The following RICTOR variants were observed in gnomAD, a reference collection of about 807,000 sequenced individuals.
RICTOR encodes the protein rapamycin-insensitive companion of mTOR.
RICTOR carries 49 observed loss-of-function variants against 214.9 expected under a neutral mutation model. The ratio of observed to expected loss-of-function variants is 0.23; its 90% CI spans 0.18 to 0.29. RICTOR has a LOEUF of 0.29. RICTOR is among the 10% of genes least tolerant of loss of function. The pLI, the probability that RICTOR is intolerant of heterozygous loss-of-function variation, is 1.00. For missense variants in RICTOR, 1,625 were observed against 2,047.0 expected (o/e 0.79, Z 3.98); for synonymous variants, 717 against 711.3 (o/e 1.01, Z -0.13).
chr5:39,026,529 A>C (rs1233612844), intron 2 of RICTOR, among the ~76,000 whole-genome samples: 1 of 152,140 alleles, frequency 6.6e-6, no homozygotes, highest in East Asian at 1.9e-4. Flanking sequence ...TCTGGAAGTA[A>C]TGCAGTAACT....
At chr5:39,065,249 G>A (rs1323329643) in intron 2 of RICTOR, among the ~76,000 whole-genome samples, 1 of 152,158 alleles carries the variant, frequency 6.6e-6, no homozygotes, top group Non-Finnish European at 1.5e-5. Context: ...CAGAGCGGGA[G>A]CAAGAGGGAG....
intron 2 of RICTOR, among the ~76,000 whole-genome samples, chr5:39,025,715 T>G (rs1454288013): frequency 6.6e-6 from 1 of 152,180 alleles, no homozygotes; most frequent in Non-Finnish European, 1.5e-5. Flanking sequence ...GAGAACTCCC[T>G]GGGGTCCCTT....
chr5:38,954,801 T>G lies in RICTOR; in HGVS notation c.2670A>C (p.Lys890Asn). 1 of 1,604,156 alleles carries G rather than the reference T, an allele frequency of 6.2e-7. No homozygotes were observed. The part of the protein sequence containing the change: ...IHLYGQLVHH[K>N]TGCHLLEVQN... ...GTACTTCCAACAAATGGCAGCCTGT[T>G]TTATGGTGTACTAGTTGTCCATAAA... is the stretch of plus-strand genomic sequence containing the variant. Residue 890 changes from lysine to asparagine, a missense_variant, in exon 27 of 38, where the codon AAA becomes AAC. Physicochemically the swap from Lys to Asn is moderately conservative, Grantham distance 94. Coordinates refer to ENST00000357387, the MANE Select transcript of RICTOR (RefSeq NM_152756.5).
intron 3 of RICTOR, among the ~76,000 whole-genome samples, chr5:39,011,921 G>A (rs1266025114): frequency 6.6e-6 from 1 of 152,136 alleles, no homozygotes; most frequent in Non-Finnish European, 1.5e-5. Flanking sequence ...TTGGGTTAAT[G>A]CTGGAAAGAG....
intron 2 of RICTOR, among the ~76,000 whole-genome samples, chr5:39,072,088 AT>A (rs1357084280): frequency 6.6e-6 from 1 of 152,196 alleles, no homozygotes; most frequent in Non-Finnish European, 1.5e-5. Flanking sequence ...AAACTTCCTT[AT>A]GATTTAGAAA....
intron 4 of RICTOR, 110 bp from the exon 5 acceptor site, chr5:39,002,776 C>A (rs951924537): frequency 1.9e-6 from 2 of 1,037,072 alleles, no homozygotes; most frequent in African/African-American, 1.6e-5. Context: ...TCTAGTCATG[C>A]ACAGAATTCT....
intron 6 of RICTOR, among the ~76,000 whole-genome samples, 183 bp downstream of exon 6, chr5:38,996,636 T>C (rs1460764783): frequency 6.6e-6 from 1 of 152,164 alleles, no homozygotes; most frequent in Non-Finnish European, 1.5e-5. Flanking sequence ...CACATAGAAT[T>C]CCACAAAATA....
intron 5 of RICTOR, among the ~76,000 whole-genome samples, chr5:38,999,027 C>CAAAAAA (rs1186312478): frequency 1.3e-3 from 34 of 25,246 alleles, no homozygotes; most frequent in African/African-American, 1.9e-3. Flanking sequence ...AACAAACAGG[C>CAAAAAA]AAAAAAAAAA....
intron 31 of RICTOR, among the ~76,000 whole-genome samples, chr5:38,947,825 A>G (rs969585724): frequency 2.0e-5 from 3 of 152,138 alleles, no homozygotes; most frequent in Non-Finnish European, 4.4e-5. Flanking sequence ...GTAACTAAGG[A>G]TATGTGTATC....
At chr5:39,027,056 A>C (rs1755886274) in intron 2 of RICTOR, among the ~76,000 whole-genome samples, 1 of 151,968 alleles carries the variant, frequency 6.6e-6, no homozygotes, top group Admixed American at 6.5e-5. Flanking sequence ...ATTACTGAGC[A>C]TTATTAAGAA....
intron 2 of RICTOR, among the ~76,000 whole-genome samples, chr5:39,069,615 G>A (rs1206964377): frequency 6.6e-6 from 1 of 152,166 alleles, no homozygotes; most frequent in Non-Finnish European, 1.5e-5. Flanking sequence ...TGCATAGAGT[G>A]GGGGGACTAC....
intron 3 of RICTOR, among the ~76,000 whole-genome samples, chr5:39,011,753 CTT>C (rs1431149594): frequency 2.0e-5 from 3 of 152,102 alleles, no homozygotes; most frequent in Non-Finnish European, 4.4e-5. Context: ...GCCTGTAGCT[CTT>C]TTGTTTTGGC....
intron 30 of RICTOR, among the ~76,000 whole-genome samples, chr5:38,951,185 ATAAATTCATGTT>A (rs1483078034): frequency 1.2e-4 from 18 of 151,978 alleles, no homozygotes; most frequent in Admixed American, 9.2e-4. Context: ...TGGTAACATT[ATAAATTCATGTT>A]TAAATTATGT....
rs540626546 is a variant in RICTOR, at chr5:39,007,377, A to G, written c.196-3755T>C. ...ATCTACACTTTTTATAAGAGATTATATTAGATTAGGCCCACCCACCCATAT... is the reference window on the plus strand; with the variant it reads ...ATCTACACTTTTTATAAGAGATTATGTTAGATTAGGCCCACCCACCCATAT... On this transcript the variant is annotated intron_variant, in intron 3 of 37. Transcript: ENST00000357387. Among the ~76,000 whole-genome samples the G allele has an allele frequency of 3.9e-5, 6 of 152,300 alleles. No homozygotes were observed. The South Asian group carries it at 1.2e-3, about 32-fold the overall frequency.
At chr5:38,982,124 G>A in intron 7 of RICTOR, 88 bp from the exon 8 acceptor site, 1 of 955,910 alleles carries the variant, frequency 1.0e-6, no homozygotes, top group East Asian at 2.5e-5. Flanking sequence ...TTGCCTTTCT[G>A]ACTTGAAAAA....
chr5:38,968,047 A>G lies in RICTOR; in HGVS notation c.973-17T>C. 1 of 1,336,620 alleles carries G rather than the reference A, an allele frequency of 7.5e-7. No homozygotes were observed. The highest frequency in any genetic ancestry group is 1.1e-6 in the Non-Finnish European group (1 of 930,758). 82.8% of individuals were successfully genotyped at this position (1,336,620 alleles called of 1,614,324 possible). The stretch of plus-strand genomic sequence containing the variant: ...TAGACCTCGCTAAATTAGCAAACAA[A>G]TACACCTCATTTATTTTTATGAAAC... On this transcript the variant is annotated splice_polypyrimidine_tract_variant and intron_variant, in intron 11 of 37. Transcript: ENST00000357387.
intron 3 of RICTOR, among the ~76,000 whole-genome samples, chr5:39,007,224 T>C (rs1375676075): frequency 6.6e-6 from 1 of 152,190 alleles, no homozygotes; most frequent in Non-Finnish European, 1.5e-5. Context: ...AAATGTACTT[T>C]TTCATAACTC....
chr5:39,060,851 G>T (rs1425469678), intron 2 of RICTOR, among the ~76,000 whole-genome samples: 1 of 151,890 alleles, frequency 6.6e-6, no homozygotes, highest in Non-Finnish European at 1.5e-5. Context: ...AAGTGCATGG[G>T]TTTTAGAATC....
rs1561503147 is a variant in RICTOR at position 38,990,782 on chromosome 5, A to ATATATATCAGATAT, written c.583+166_583+167insATATCTGATATATA. ...ATATATGAGATATATGATATATATG[A>ATATATATCAGATAT]GATATATGAGATATATGATATATAT... On this transcript the variant is annotated intron_variant, in intron 7 of 37. Coordinates refer to ENST00000357387, the MANE Select transcript of RICTOR (RefSeq NM_152756.5). 5.6e-5 allele frequency among the ~76,000 whole-genome samples: 6 copies of ATATATATCAGATAT among 106,948 alleles called. 1 individual carries two copies. Among genetic ancestry groups the ATATATATCAGATAT allele is most frequent in the African/African-American group, 2.2e-4 (6 of 27,902 alleles). 70.2% of individuals were successfully genotyped at this position (106,948 alleles called of 152,430 possible).
Sources: allele counts gnomAD v4.1 joint callset (sites outside exome capture counted in the v4.1 genomes callset), GRCh38; gene constraint gnomAD v4.1.1; transcripts MANE v1.5; gene names NCBI Gene and HGNC (gene_info 2026-07-23, HGNC 2026-07-21).